The following PKNOX2 variants were observed in gnomAD, a reference collection of about 807,000 sequenced individuals.
PKNOX2 encodes homeobox protein PKNOX2.
In PKNOX2, 14 loss-of-function variants were observed where a neutral mutation model predicts 53.1. The ratio of observed to expected loss-of-function variants is 0.26; its 90% CI spans 0.17 to 0.41. The LOEUF (loss-of-function observed/expected upper bound fraction) is 0.41, where lower values mean the gene tolerates loss of function less well. Among genes scored for constraint, PKNOX2 ranks in the 10% least tolerant of loss-of-function variants. The pLI, the probability that PKNOX2 is intolerant of heterozygous loss-of-function variation, is 1.00. For synonymous variants in PKNOX2, 257 were observed against 242.8 expected, an observed-to-expected ratio of 1.06 and a Z score of -0.54; for missense variants, 496 against 602.8, an observed-to-expected ratio of 0.82 and a Z score of 1.85.
In PKNOX2 at chr11:125,208,927, A is replaced by G. The variant is rs552316864; in HGVS notation, c.-200-26118A>G. Among the ~76,000 whole-genome samples the G allele has an allele frequency of 4.0e-4, 61 of 152,054 alleles. No individual in the cohort carries two copies. In the Middle Eastern group the frequency reaches 0.01, roughly 25 times the overall value. On this transcript the variant is annotated intron_variant, in intron 1 of 12. Transcript: ENST00000298282. The stretch of plus-strand genomic sequence containing the variant: ...TGGATGGGAGTACTTGGCCACCTCA[A>G]TGGCAGCTGCACTGGAGTTGTGGGG...
At position 125,333,213 on chromosome 11, in the gene PKNOX2, C is replaced by T. The variant is rs116981615; in HGVS notation, c.-23+1288C>T. On this transcript the variant is annotated intron_variant, in intron 3 of 12. Transcript: ENST00000298282. ...ACAAGGGTTCTACACCTGGTGAATC[C>T]GTGTGAAGTGTGCTGATGCCCAAGT... Among the ~76,000 whole-genome samples, 8 of 152,198 alleles carry T rather than the reference C, an allele frequency of 5.3e-5. No homozygotes were observed. The East Asian group carries it at 7.7e-4, about 15-fold the overall frequency.
chr11:125,258,449 G>A (rs1389360073), intron 2 of PKNOX2, among the ~76,000 whole-genome samples: 4 of 152,140 alleles, frequency 2.6e-5, no homozygotes, highest in Non-Finnish European at 1.5e-5. Context: ...CAAGGAAAGA[G>A]AGTATAATTT....
At chr11:125,351,126 T>C (rs1187571946) in intron 3 of PKNOX2, among the ~76,000 whole-genome samples, 158 bp from the exon 4 acceptor site, 1 of 152,174 alleles carries the variant, frequency 6.6e-6, no homozygotes, top group Middle Eastern at 3.2e-3. Context: ...CACCCAGGCC[T>C]CTTCCTTAGC....
intron 5 of PKNOX2, among the ~76,000 whole-genome samples, chr11:125,384,539 C>A (rs1953488541): frequency 6.6e-6 from 1 of 152,086 alleles, no homozygotes; most frequent in African/African-American, 2.4e-5. Context: ...CAAAAATAAG[C>A]CAGGCGTGGT....
At chr11:125,221,382 T>A (rs1941135967) in intron 1 of PKNOX2, among the ~76,000 whole-genome samples, 1 of 152,152 alleles carries the variant, frequency 6.6e-6, no homozygotes, top group South Asian at 2.1e-4. Flanking sequence ...ATCCATGTGA[T>A]AAGTGCAGTG....
At chr11:125,258,454 T>C (rs529646389) in intron 2 of PKNOX2, among the ~76,000 whole-genome samples, 1 of 152,276 alleles carries the variant, frequency 6.6e-6, no homozygotes, top group Non-Finnish European at 1.5e-5. Flanking sequence ...AAAGAGAGTA[T>C]AATTTTAACC....
At position 125,295,021 on chromosome 11, in the gene PKNOX2, C is replaced by T. The variant is rs117869773; in HGVS notation, c.-129-36798C>T. On this transcript the variant is annotated intron_variant, in intron 2 of 12. Coordinates refer to ENST00000298282, the MANE Select transcript of PKNOX2 (RefSeq NM_001382323.2). ...GAACTAGTCAGGGTCACGCTTTAGC[C>T]GGGTCAGTTTGGTGGTGGCCTTCTG... 7.6e-3 allele frequency among the ~76,000 whole-genome samples: 1,154 copies of T among 152,224 alleles called. 6 individuals are homozygous for T. The highest frequency in any genetic ancestry group is 0.013 in the Non-Finnish European group (913 of 68,008).
chr11:125,431,232 C>A lies in PKNOX2; in HGVS notation c.1259C>A (p.Ala420Asp). ...SDSATMAMQQAMMAAHDDSLD... is the reference protein window; with the variant it reads ...SDSATMAMQQDMMAAHDDSLD... ...AGTGCCACCATGGCCATGCAGCAGGCTATGATGGCTGCACACGATGACTCA... is the reference window on the plus strand; with the variant it reads ...AGTGCCACCATGGCCATGCAGCAGGATATGATGGCTGCACACGATGACTCA... Residue 420 changes from alanine to aspartate, a missense_variant, in exon 13 of 13, where the codon GCT (alanine) becomes GAT (aspartate). Physicochemically the swap from Ala to Asp is moderately radical, Grantham distance 126. This residue lies in a region of PKNOX2 where 139 missense variants were observed against 161.3 expected (regional missense o/e 0.86). Coordinates refer to ENST00000298282, the MANE Select transcript of PKNOX2 (RefSeq NM_001382323.2). The A allele has an allele frequency of 6.2e-7, 1 of 1,613,744 alleles. No homozygotes were observed. Among genetic ancestry groups the A allele is most frequent in the Non-Finnish European group, 8.5e-7 (1 of 1,179,876 alleles).
intron 10 of PKNOX2, 70 bp downstream of exon 10, chr11:125,411,935 G>C: frequency 6.2e-7 from 1 of 1,600,088 alleles, no homozygotes; most frequent in Non-Finnish European, 8.5e-7. Context: ...GTGGGTACCA[G>C]ACTCTGCTGT....
intron 2 of PKNOX2, among the ~76,000 whole-genome samples, chr11:125,253,492 G>T (rs150096692): frequency 3.2e-4 from 49 of 152,248 alleles, no homozygotes; most frequent in African/African-American, 1.0e-3. Flanking sequence ...CTCCTCATGT[G>T]CACGTGTCCT....
intron 5 of PKNOX2, among the ~76,000 whole-genome samples, chr11:125,381,423 A>G (rs1565511563): frequency 6.6e-6 from 1 of 152,142 alleles, no homozygotes; most frequent in Non-Finnish European, 1.5e-5. Context: ...AGTCTGCCCT[A>G]TGCTCCATAG....
chr11:125,206,368 A>G (rs1939109811), intron 1 of PKNOX2, among the ~76,000 whole-genome samples: 1 of 152,052 alleles, frequency 6.6e-6, no homozygotes, highest in Non-Finnish European at 1.5e-5. Flanking sequence ...TGTTAGGTAG[A>G]AAGATTACTC....
intron 3 of PKNOX2, among the ~76,000 whole-genome samples, chr11:125,343,552 C>A (rs1950819018): frequency 6.6e-6 from 1 of 152,104 alleles, no homozygotes; most frequent in Non-Finnish European, 1.5e-5. Context: ...GGGATTGATT[C>A]TCAGATCAAG....
chr11:125,429,160 G>T, intron 11 of PKNOX2, 72 bp downstream of exon 11: 1 of 1,419,402 alleles, frequency 7.0e-7, no homozygotes, highest in Non-Finnish European at 9.9e-7. Context: ...ATGCGTAGCA[G>T]GGAAAAGAGA....
At chr11:125,199,301 T>G (rs2135393112) in intron 1 of PKNOX2, among the ~76,000 whole-genome samples, 1 of 152,164 alleles carries the variant, frequency 6.6e-6, no homozygotes, top group South Asian at 2.1e-4. Flanking sequence ...AGAGCTTCAG[T>G]GAGGGGGAGA....
chr11:125,299,763 G>C (rs1240036716), intron 2 of PKNOX2, among the ~76,000 whole-genome samples: 1 of 152,132 alleles, frequency 6.6e-6, no homozygotes, highest in East Asian at 1.9e-4. Flanking sequence ...TGAGCGTTGG[G>C]GATATGGCTG....
At chr11:125,353,429 T>G (rs1951424192) in intron 4 of PKNOX2, among the ~76,000 whole-genome samples, 1 of 152,178 alleles carries the variant, frequency 6.6e-6, no homozygotes, top group Non-Finnish European at 1.5e-5. Context: ...GAAGCCTAAT[T>G]TAGTGATCAG....
At chr11:125,341,190 T>G (rs1223813490) in intron 3 of PKNOX2, among the ~76,000 whole-genome samples, 1 of 151,388 alleles carries the variant, frequency 6.6e-6, no homozygotes, top group Non-Finnish European at 1.5e-5. Context: ...AACCCCTCTT[T>G]ACTAAAAATA....
chr11:125,341,061 A>T (rs1950659524), intron 3 of PKNOX2, among the ~76,000 whole-genome samples: 1 of 150,828 alleles, frequency 6.6e-6, no homozygotes. Flanking sequence ...AAAAAAAAAA[A>T]AAAAAAAAAA....
Sources: allele counts gnomAD v4.1 joint callset (sites outside exome capture counted in the v4.1 genomes callset), GRCh38; gene constraint gnomAD v4.1.1; regional missense constraint gnomAD v4.1.1; transcripts MANE v1.5; gene names NCBI Gene and HGNC (gene_info 2026-07-23, HGNC 2026-07-21).